Variants in DCAF6 observed in about 807,000 individuals in gnomAD.
The protein encoded by DCAF6 is DDB1- and CUL4-associated factor 6.
DCAF6 carries 54 observed loss-of-function variants against 125.1 expected under a neutral mutation model. The ratio of observed to expected loss-of-function variants is 0.43; its 90% CI spans 0.35 to 0.54. The LOEUF is 0.54. Ranked by LOEUF, DCAF6 falls within the 20% of genes least tolerant of loss-of-function variation. The pLI is 0.01. For missense variants in DCAF6, 934 were observed against 1,161.7 expected (o/e 0.80, Z 2.85); for synonymous variants, 371 against 390.4 (o/e 0.95, Z 0.58).
At chr1:168,007,265 G>T (rs1683461800) in intron 10 of DCAF6, among the ~76,000 whole-genome samples, 1 of 152,186 alleles carries the variant, frequency 6.6e-6, no homozygotes, top group South Asian at 2.1e-4. Flanking sequence ...CCCTTCTCTT[G>T]CATTATCATT....
chr1:167,944,479 C>T (rs541446383), intron 1 of DCAF6, among the ~76,000 whole-genome samples: 1 of 152,206 alleles, frequency 6.6e-6, no homozygotes, highest in South Asian at 2.1e-4. Flanking sequence ...CCAACATTGT[C>T]TGTCTTTTTA....
intron 21 of DCAF6, among the ~76,000 whole-genome samples, chr1:168,071,632 TCAAA>T (rs1481965839): frequency 2.6e-5 from 4 of 152,062 alleles, no homozygotes; most frequent in Admixed American, 6.5e-5. Flanking sequence ...AGACTCTGTC[TCAAA>T]CAAAACCAAA....
chr1:167,997,756 CCA>C (rs1571868442), intron 7 of DCAF6, among the ~76,000 whole-genome samples: 1 of 152,064 alleles, frequency 6.6e-6, no homozygotes, highest in East Asian at 1.9e-4. Flanking sequence ...AGTTTAGTAT[CCA>C]GAATGTATAA....
chr1:168,049,344 G>A (rs965734136), intron 16 of DCAF6, among the ~76,000 whole-genome samples: 2 of 151,866 alleles, frequency 1.3e-5, no homozygotes, highest in African/African-American at 4.8e-5. Flanking sequence ...CTGGGCTCAA[G>A]CGATCTTCCT....
At chr1:167,949,372 A>G (rs1458739901) in intron 1 of DCAF6, among the ~76,000 whole-genome samples, 1 of 152,222 alleles carries the variant, frequency 6.6e-6, no homozygotes, top group African/African-American at 2.4e-5. Flanking sequence ...ATATATAACA[A>G]TTCTAAATAT....
chr1:167,925,464 T>TACATATAC, the DCAF6 span, among the ~76,000 whole-genome samples: 1 of 116,616 alleles, frequency 8.6e-6, no homozygotes, highest in East Asian at 2.4e-4. Flanking sequence ...TATATATATA[T>TACATATAC]ATATATATAT....
At chr1:168,039,881 G>T (rs997038779) in intron 13 of DCAF6, among the ~76,000 whole-genome samples, 1 of 151,502 alleles carries the variant, frequency 6.6e-6, no homozygotes, top group African/African-American at 2.4e-5. Context: ...ATTTGATTAA[G>T]TAGGATCTTA....
intron 10 of DCAF6, among the ~76,000 whole-genome samples, chr1:168,011,003 G>T (rs1684199815): frequency 6.6e-6 from 1 of 151,906 alleles, no homozygotes; most frequent in Admixed American, 6.6e-5. Flanking sequence ...AGTGGATGGG[G>T]ATATCAGTAT....
intron 17 of DCAF6, among the ~76,000 whole-genome samples, chr1:168,055,007 G>A (rs756838383): frequency 4.0e-5 from 6 of 151,810 alleles, no homozygotes; most frequent in Non-Finnish European, 8.8e-5. Context: ...TAGTAGAGAC[G>A]GGGTTTTTAA....
At chr1:168,058,490 T>C (rs754844004) in intron 17 of DCAF6, among the ~76,000 whole-genome samples, 32 of 152,220 alleles carry the variant, frequency 2.1e-4, no homozygotes, top group Admixed American at 6.5e-4. Context: ...AATAATATGG[T>C]CTTGATGTTC....
the DCAF6 span, chr1:167,924,515 C>A: frequency 6.3e-7 from 1 of 1,579,734 alleles, no homozygotes; most frequent in Non-Finnish European, 8.6e-7. Flanking sequence ...TAATTGGAGC[C>A]CAGAAGAAAA....
chr1:167,896,594 C>T, the DCAF6 span: 1 of 1,608,054 alleles, frequency 6.2e-7, no homozygotes, highest in Non-Finnish European at 8.5e-7. Context: ...TGGGTACTTA[C>T]TTTTGTGCTC....
Position 168,075,406 on chromosome 1 carries a change from C to A in DCAF6, c.2827C>A (p.Gln943Lys). ...LEGDRSEGSGQENENEDEE is the reference protein window; with the variant it reads ...LEGDRSEGSGKENENEDEE ...GGGTGACAGATCAGAAGGCTCTGGTCAAGAGAATGAAAATGAGGATGAGGA... is the reference window on the plus strand; with the variant it reads ...GGGTGACAGATCAGAAGGCTCTGGTAAAGAGAATGAAAATGAGGATGAGGA... The change falls in exon 22 of 22, where the codon CAA (glutamine) becomes AAA (lysine). Residue 943 changes from glutamine (Q) to lysine (K), a missense_variant. This residue lies in a region of DCAF6 where 36 missense variants were observed against 39.8 expected (regional missense o/e 0.91). Transcript: ENST00000367840. The A allele has an allele frequency of 6.2e-7, 1 of 1,602,482 alleles. No individual in the cohort carries two copies. Among genetic ancestry groups the A allele is most frequent in the South Asian group, 1.1e-5 (1 of 87,454 alleles).
chr1:167,979,401 C>T (rs1678759469), intron 4 of DCAF6, among the ~76,000 whole-genome samples: 1 of 152,060 alleles, frequency 6.6e-6, no homozygotes, highest in East Asian at 1.9e-4. Flanking sequence ...TCCCTGGCAA[C>T]CATCATTCTA....
intron 21 of DCAF6, among the ~76,000 whole-genome samples, chr1:168,073,948 TA>T (rs1308856301): frequency 1.3e-5 from 2 of 148,998 alleles, no homozygotes; most frequent in East Asian, 4.0e-4. Flanking sequence ...TTTGTTCATT[TA>T]TTTTATAAAT....
At chr1:168,037,807 T>C (rs1294303986) in intron 12 of DCAF6, among the ~76,000 whole-genome samples, 1 of 152,148 alleles carries the variant, frequency 6.6e-6, no homozygotes, top group Non-Finnish European at 1.5e-5. Context: ...TTAGAAAATA[T>C]CAAAGCACTA....
At chr1:168,031,058 G>A (rs1687023240) in intron 12 of DCAF6, among the ~76,000 whole-genome samples, 1 of 152,126 alleles carries the variant, frequency 6.6e-6, no homozygotes, top group African/African-American at 2.4e-5. Context: ...AAATCGGTTG[G>A]GTAGTTGATT....
chr1:168,057,813 A>G (rs902056692), intron 17 of DCAF6, among the ~76,000 whole-genome samples: 1 of 152,166 alleles, frequency 6.6e-6, no homozygotes, highest in Non-Finnish European at 1.5e-5. Context: ...TTGGTTTGTG[A>G]CACATTATCA....
the DCAF6 span, among the ~76,000 whole-genome samples, chr1:167,876,192 G>T: frequency 6.6e-5 from 10 of 151,276 alleles, no homozygotes; most frequent in South Asian, 2.1e-3. Flanking sequence ...AAGAGACAGA[G>T]GTTGCAGTGA....
Sources: allele counts gnomAD v4.1 joint callset (sites outside exome capture counted in the v4.1 genomes callset), GRCh38; gene constraint gnomAD v4.1.1; regional missense constraint gnomAD v4.1.1; transcripts MANE v1.5; gene names NCBI Gene and HGNC (gene_info 2026-07-23, HGNC 2026-07-21).